Variants in EPHA7 observed in about 807,000 individuals in gnomAD.
EPHA7 encodes ephrin type-A receptor 7.
Under a neutral mutation model 112.6 loss-of-function variants are expected in EPHA7, and 25 were observed. The observed-to-expected ratio is 0.22, with a 90% confidence interval of 0.16 to 0.31. The LOEUF is 0.31. EPHA7 is among the 10% of genes least tolerant of loss of function. The pLI is 1.00. For synonymous variants in EPHA7, 437 were observed against 406.5 expected, an observed-to-expected ratio of 1.07 and a Z score of -0.90; for missense variants, 962 against 1,212.6, an observed-to-expected ratio of 0.79 and a Z score of 3.07.
At chr6:93,385,970 T>C (rs1777581917) in intron 3 of EPHA7, among the ~76,000 whole-genome samples, 1 of 151,992 alleles carries the variant, frequency 6.6e-6, no homozygotes, top group African/African-American at 2.4e-5. Flanking sequence ...CCAAATCTCA[T>C]AAGAACTCAT....
At chr6:93,361,333 C>CT (rs1776250551) in intron 3 of EPHA7, among the ~76,000 whole-genome samples, 1 of 151,902 alleles carries the variant, frequency 6.6e-6, no homozygotes. Context: ...TACAAAAGCG[C>CT]TGGAGCAATG....
intron 3 of EPHA7, among the ~76,000 whole-genome samples, chr6:93,408,516 T>A (rs1318756658): frequency 6.6e-6 from 1 of 152,060 alleles, no homozygotes. Flanking sequence ...TTAGAAATAC[T>A]GCCAGTGAGG....
At chr6:93,251,376 T>C (rs551625062) in intron 14 of EPHA7, among the ~76,000 whole-genome samples, 48 of 152,008 alleles carry the variant, frequency 3.2e-4, no homozygotes, top group African/African-American at 1.2e-3. Flanking sequence ...TCTCATATCT[T>C]TAAAAAAGCT....
chr6:93,367,139 G>A (rs1282454235), intron 3 of EPHA7, among the ~76,000 whole-genome samples: 2 of 151,988 alleles, frequency 1.3e-5, no homozygotes, highest in African/African-American at 2.4e-5. Flanking sequence ...TAAAAGTCTG[G>A]CTTATTTGTG....
intron 3 of EPHA7, among the ~76,000 whole-genome samples, chr6:93,378,821 A>G (rs886187652): frequency 4.6e-5 from 7 of 152,048 alleles, no homozygotes; most frequent in Non-Finnish European, 8.8e-5. Context: ...GTTTCTAGTA[A>G]ATTATGGTGC....
At chr6:93,408,466 G>C (rs750091009) in intron 3 of EPHA7, among the ~76,000 whole-genome samples, 21 of 152,124 alleles carry the variant, frequency 1.4e-4, no homozygotes, top group African/African-American at 4.8e-4. Flanking sequence ...ATCAGTTTCT[G>C]ATTTCCACAT....
At chr6:93,383,536 T>C (rs1007920539) in intron 3 of EPHA7, among the ~76,000 whole-genome samples, 2 of 152,072 alleles carry the variant, frequency 1.3e-5, no homozygotes, top group African/African-American at 4.8e-5. Flanking sequence ...TTCTAAGGGC[T>C]TGCATTTAGG....
At chr6:93,416,891 C>A (rs1779260465) in intron 1 of EPHA7, among the ~76,000 whole-genome samples, 1 of 143,154 alleles carries the variant, frequency 7.0e-6, no homozygotes, top group Non-Finnish European at 1.5e-5. Context: ...GTCGGAGGGG[C>A]GGGGCGGGGG....
chr6:93,279,049 G>C (rs1771605015), intron 5 of EPHA7, among the ~76,000 whole-genome samples: 1 of 152,038 alleles, frequency 6.6e-6, no homozygotes, highest in Admixed American at 6.6e-5. Flanking sequence ...AGATTAAGCT[G>C]AGCAGAGATT....
At chr6:93,267,692 G>T (rs1771011824) in intron 7 of EPHA7, among the ~76,000 whole-genome samples, 1 of 151,512 alleles carries the variant, frequency 6.6e-6, no homozygotes, top group Non-Finnish European at 1.5e-5. Context: ...TGATCTTTCA[G>T]GTTCCACTAC....
chr6:93,276,141 T>A (rs1047368604), intron 5 of EPHA7, among the ~76,000 whole-genome samples: 2 of 151,970 alleles, frequency 1.3e-5, no homozygotes, highest in Non-Finnish European at 2.9e-5. Flanking sequence ...AAGAGTACTG[T>A]AAATATAATT....
chr6:93,242,959 T>TA lies in EPHA7; in HGVS notation c.*466dup, dbSNP rs1769749198. 1 of 219,054 alleles carries TA rather than the reference T, an allele frequency of 4.6e-6. No homozygotes were observed. The highest frequency in any genetic ancestry group is 5.8e-5 in the Admixed American group (1 of 17,288). The allele number at this position is 219,054 out of a possible 1,614,324, so 13.6% of individuals were successfully genotyped here. ...TTAACACTAAAAAGGTCCAAAGCTA[T>TA]AAACAGCTTTCTAAAACAAAGTCCT... On this transcript the variant is annotated 3_prime_UTR_variant, in exon 17 of 17. Transcript: ENST00000369303.
At chr6:93,398,601 A>G (rs977109720) in intron 3 of EPHA7, among the ~76,000 whole-genome samples, 2 of 151,976 alleles carry the variant, frequency 1.3e-5, no homozygotes, top group Non-Finnish European at 2.9e-5. Flanking sequence ...AAAAAAAAAG[A>G]AATCAGATGG....
intron 5 of EPHA7, among the ~76,000 whole-genome samples, chr6:93,273,442 C>A (rs923362172): frequency 5.3e-5 from 8 of 151,912 alleles, no homozygotes; most frequent in Non-Finnish European, 8.8e-5. Context: ...TGGGACCAAG[C>A]CGTTTAAGCA....
At chr6:93,377,710 A>G (rs1445661899) in intron 3 of EPHA7, among the ~76,000 whole-genome samples, 1 of 152,234 alleles carries the variant, frequency 6.6e-6, no homozygotes, top group East Asian at 1.9e-4. Context: ...AAAACTTAAA[A>G]GTTTCTACTT....
chr6:93,272,292 A>G lies in EPHA7; in HGVS notation c.1449+6T>C, dbSNP rs1260147267. The G allele has an allele frequency of 2.5e-6, 4 of 1,611,328 alleles. No individual in the cohort carries two copies. Among genetic ancestry groups the G allele is most frequent in the East Asian group, 2.2e-5 (1 of 44,808 alleles). ...ATTGTACATTTCAGTTGCTCTTAGC[A>G]CTTACTTTCTCGTAATACTTGATTT... On this transcript the variant is annotated splice_donor_region_variant and intron_variant, in intron 6 of 16. Transcript: ENST00000369303.
intron 5 of EPHA7, among the ~76,000 whole-genome samples, chr6:93,342,998 A>G (rs2127923905): frequency 6.6e-6 from 1 of 151,876 alleles, no homozygotes; most frequent in East Asian, 1.9e-4. Context: ...ATCAATTACT[A>G]TTAGAAGAAA....
chr6:93,355,080 G>C (rs78711063), intron 5 of EPHA7, among the ~76,000 whole-genome samples: 4,055 of 151,940 alleles, frequency 0.027, 180 homozygotes, highest in African/African-American at 0.093. Flanking sequence ...CAACGCAAGT[G>C]GAACTATCTT....
chr6:93,264,771 T>TA, intron 7 of EPHA7, 69 bp from the exon 8 acceptor site: 2 of 774,924 alleles, frequency 2.6e-6, no homozygotes, highest in South Asian at 4.5e-5. Flanking sequence ...TAAATAAAAT[T>TA]AGAGTTATCT....
Sources: gnomAD v4.1 joint callset for allele counts (sites outside exome capture counted in the v4.1 genomes callset) on GRCh38, gnomAD v4.1.1 for gene constraint, MANE v1.5 for transcripts, NCBI Gene and HGNC (gene_info 2026-07-23, HGNC 2026-07-21) for gene names.